Variants in UFSP2 observed in about 807,000 individuals in gnomAD.
UFSP2 encodes the protein ufm1-specific protease 2.
Under a neutral mutation model 60.2 loss-of-function variants are expected in UFSP2, and 43 were observed. That is an observed-to-expected ratio of 0.71 (90% confidence interval 0.56 to 0.92). The LOEUF (loss-of-function observed/expected upper bound fraction) is 0.92. Among genes scored for constraint, UFSP2 ranks in the 40% least tolerant of loss-of-function variants. The probability of loss-of-function intolerance (pLI) is 0.00; values close to 1 mark genes in which losing one functional copy is unlikely to be tolerated. For missense variants in UFSP2, 520 were observed against 575.0 expected, an observed-to-expected ratio of 0.90 and a Z score of 0.98; for synonymous variants, 183 against 195.1, an observed-to-expected ratio of 0.94 and a Z score of 0.52.
In UFSP2 at chr4:185,400,494, G is replaced by A. The variant is rs775787335; in HGVS notation, c.1324-16C>T. The A allele has an allele frequency of 1.6e-5, 26 of 1,594,934 alleles. No individual in the cohort carries two copies. In the East Asian group the frequency reaches 2.7e-4, roughly 16 times the overall value. On this transcript the variant is annotated splice_polypyrimidine_tract_variant and intron_variant, in intron 11 of 11. Coordinates refer to ENST00000264689, the MANE Select transcript of UFSP2 (RefSeq NM_018359.5). ...CGCACCAGCCCTGGATAGAGAAGAC[G>A]GGAAAGGAAAGCCTTTTACAAAGTT...
At chr4:185,403,697 A>ACGGC (rs1296937721) in intron 10 of UFSP2, 79 bp from the exon 11 acceptor site, 2 of 1,533,652 alleles carry the variant, frequency 1.3e-6, no homozygotes, top group African/African-American at 2.8e-5. Flanking sequence ...TAGACAGATT[A>ACGGC]CGGCCGGGCG....
chr4:185,408,363 A>G lies in UFSP2; in HGVS notation c.904T>C (p.Cys302Arg). Residue 302 changes from cysteine (C) to arginine (R), a missense_variant, in exon 8 of 12, where the codon TGT (cysteine) becomes CGT (arginine). Transcript: ENST00000264689. Reference sequence around the variant, plus strand: ...ATAGTCTGCAGAGATCGATAAGCACAGCCCCAGCCATTGTCATCTATGCGA... The same window carrying G: ...ATAGTCTGCAGAGATCGATAAGCACGGCCCCAGCCATTGTCATCTATGCGA... ...QDRIDDNGWG[C>R]AYRSLQTICS... 1.9e-6 allele frequency: 3 copies of G among 1,614,234 alleles called. No individual in the cohort carries two copies. The East Asian group carries it at 6.7e-5, about 36-fold the overall frequency.
Position 185,399,780 on chromosome 4 carries a change from A to T in UFSP2, c.*612T>A. On this transcript the variant is annotated 3_prime_UTR_variant, in exon 12 of 12. Coordinates refer to ENST00000264689, the MANE Select transcript of UFSP2 (RefSeq NM_018359.5). ...GTGGGAAAAGGAAGTGCTGGTAAGTAACTCAGAGCTGCTGCTTTTTTCCTC... is the reference window on the plus strand; with the variant it reads ...GTGGGAAAAGGAAGTGCTGGTAAGTTACTCAGAGCTGCTGCTTTTTTCCTC... 6.2e-7 allele frequency: 1 copy of T among 1,613,786 alleles called. No homozygotes were observed. The highest frequency in any genetic ancestry group is 8.5e-7 in the Non-Finnish European group (1 of 1,179,800).
intron 7 of UFSP2, among the ~76,000 whole-genome samples, chr4:185,410,222 A>G (rs1048212633): frequency 6.6e-6 from 1 of 152,230 alleles, no homozygotes; most frequent in African/African-American, 2.4e-5. Context: ...TAAATAATAC[A>G]TGGACAAAAG....
chr4:185,416,303 T>C (rs1012971593), intron 4 of UFSP2, among the ~76,000 whole-genome samples: 4 of 152,268 alleles, frequency 2.6e-5, no homozygotes, highest in African/African-American at 7.2e-5. Flanking sequence ...ACTTTTGTAC[T>C]GATTTAAAAT....
Position 185,403,557 on chromosome 4 carries a change from T to C in UFSP2, c.1260A>G (p.Ile420Met). 2 of 1,614,182 alleles carry C rather than the reference T, an allele frequency of 1.2e-6. No individual in the cohort carries two copies. The highest frequency in any genetic ancestry group is 1.7e-6 in the Non-Finnish European group (2 of 1,180,034). Residue 420 changes from isoleucine to methionine, a missense_variant, in exon 11 of 12, where the codon ATA (isoleucine) becomes ATG (methionine). Coordinates refer to ENST00000264689, the MANE Select transcript of UFSP2 (RefSeq NM_018359.5). ...AATGTGGATCTAGAATCAGAAACTT[T>C]ATCTGCCCTGTAATCTCATTCCATG... ...GVAWNEITGQIKFLILDPHYT... is the reference protein window; with the variant it reads ...GVAWNEITGQMKFLILDPHYT...
At chr4:185,418,952 A>C (rs949841670) in intron 2 of UFSP2, among the ~76,000 whole-genome samples, 182 bp from the exon 3 acceptor site, 2 of 152,220 alleles carry the variant, frequency 1.3e-5, no homozygotes, top group African/African-American at 4.8e-5. Context: ...TTCACAGACC[A>C]TCAAATTCAT....
chr4:185,404,202 C>A (rs2095517156), intron 10 of UFSP2, among the ~76,000 whole-genome samples: 1 of 151,814 alleles, frequency 6.6e-6, no homozygotes, highest in South Asian at 2.1e-4. Context: ...AAACTCCTCC[C>A]AACAGAGTAA....
At chr4:185,401,993 C>T (rs191401297) in intron 11 of UFSP2, among the ~76,000 whole-genome samples, 23 of 152,286 alleles carry the variant, frequency 1.5e-4, no homozygotes, top group African/African-American at 5.1e-4. Flanking sequence ...TCCTTCCAGC[C>T]TCACCTCTTC....
intron 6 of UFSP2, 144 bp from the exon 7 acceptor site, chr4:185,414,016 C>G (rs1242116509): frequency 1.5e-6 from 1 of 658,420 alleles, no homozygotes; most frequent in African/African-American, 1.9e-5. Context: ...TCACTAACAT[C>G]AAAGATGGTG....
chr4:185,415,855 T>G lies in UFSP2; in HGVS notation c.346A>C (p.Asn116His). ...GACATTTCCAGCATAAGATCTATAT[T>G]TACTATTTGATGCTATATAGATAAA... ...KKLSDMHQIV[N>H]IDLMLEMSTS... Residue 116 changes from asparagine (N) to histidine (H), a missense_variant, in exon 5 of 12, where the codon AAT becomes CAT. By Grantham distance (68) the Asn-to-His change is moderately conservative. Transcript: ENST00000264689. 1 of 1,612,722 alleles carries G rather than the reference T, an allele frequency of 6.2e-7. No homozygotes were observed. The highest frequency in any genetic ancestry group is 8.5e-7 in the Non-Finnish European group (1 of 1,179,164).
chr4:185,418,069 A>ACACACACAC (rs1422329406), intron 4 of UFSP2, among the ~76,000 whole-genome samples: 3 of 22,784 alleles, frequency 1.3e-4, no homozygotes, highest in African/African-American at 3.8e-4. Context: ...CACACACACA[A>ACACACACAC]ACAACAGAAC....
At position 185,425,891 on chromosome 4, in the gene UFSP2, G is replaced by A. The variant is rs374378356; in HGVS notation, c.-23C>T. On this transcript the variant is annotated 5_prime_UTR_variant, in exon 1 of 12. Transcript: ENST00000264689. Reference sequence around the variant, plus strand: ...CATGTCCGCGACGTGGCGGTGACACGGGCGCTGACGCCTGCCCAAAAGTTC... The same window carrying A: ...CATGTCCGCGACGTGGCGGTGACACAGGCGCTGACGCCTGCCCAAAAGTTC... 8 of 1,596,302 alleles carry A rather than the reference G, an allele frequency of 5.0e-6. No homozygotes were observed. Among genetic ancestry groups the A allele is most frequent in the Non-Finnish European group, 6.8e-6 (8 of 1,171,674 alleles).
chr4:185,416,755 G>A (rs1269512268), intron 4 of UFSP2, among the ~76,000 whole-genome samples: 1 of 152,192 alleles, frequency 6.6e-6, no homozygotes, highest in Non-Finnish European at 1.5e-5. Flanking sequence ...AAAGGCACTG[G>A]AGCCAGCTTG....
At chr4:185,422,249 G>A (rs2095550750) in intron 2 of UFSP2, among the ~76,000 whole-genome samples, 1 of 152,176 alleles carries the variant, frequency 6.6e-6, no homozygotes, top group South Asian at 2.1e-4. Flanking sequence ...AATGAAGAGG[G>A]GAGTAAAGTC....
chr4:185,411,550 A>T (rs1646275602), intron 7 of UFSP2, among the ~76,000 whole-genome samples: 1 of 152,226 alleles, frequency 6.6e-6, no homozygotes, highest in African/African-American at 2.4e-5. Flanking sequence ...AAAAATAATG[A>T]GTCATAACCA....
intron 1 of UFSP2, among the ~76,000 whole-genome samples, chr4:185,425,512 A>G (rs979339946): frequency 1.3e-5 from 2 of 152,296 alleles, no homozygotes; most frequent in Admixed American, 6.5e-5. Flanking sequence ...GGAGGGAAAT[A>G]CCACGGGAAC....
chr4:185,407,865 T>A, intron 9 of UFSP2, 71 bp downstream of exon 9: 1 of 1,482,928 alleles, frequency 6.7e-7, no homozygotes, highest in Non-Finnish European at 9.1e-7. Context: ...TACCATTTTT[T>A]CTATTATTTT....
Position 185,408,256 on chromosome 4 carries a change from C to T in UFSP2, c.996+15G>A, listed in dbSNP as rs1461046562. 14 of 1,610,434 alleles carry T rather than the reference C, an allele frequency of 8.7e-6. No individual in the cohort carries two copies. Among genetic ancestry groups the T allele is most frequent in the Middle Eastern group, 1.6e-4 (1 of 6,076 alleles). On this transcript the variant is annotated intron_variant, in intron 8 of 11. Coordinates refer to ENST00000264689, the MANE Select transcript of UFSP2 (RefSeq NM_018359.5). ...ACATACAGTTGATTATAATTTAAAA[C>T]GGTATGTTCTGTACCTGCTGAATTT...
Sources: allele counts gnomAD v4.1 joint callset (sites outside exome capture counted in the v4.1 genomes callset), GRCh38; gene constraint gnomAD v4.1.1; transcripts MANE v1.5; gene names NCBI Gene and HGNC (gene_info 2026-07-23, HGNC 2026-07-21).